SCGB2B2: variants seen among roughly 807,000 people sequenced by gnomAD.
SCGB2B2 encodes secretoglobin family 2B member 2, also known as secretoglobin-like protein.
In SCGB2B2, 11 loss-of-function variants were observed where a neutral mutation model predicts 7.6. The ratio of observed to expected loss-of-function variants is 1.45; its 90% CI spans 0.91 to 2.40. The LOEUF (loss-of-function observed/expected upper bound fraction) is 2.40. Ranked by LOEUF, SCGB2B2 falls within the 30% of genes most tolerant of loss-of-function variation. The pLI is 0.00. For missense variants in SCGB2B2, 104 were observed against 115.4 expected, an observed-to-expected ratio of 0.90 and a Z score of 0.45; for synonymous variants, 50 against 48.6, an observed-to-expected ratio of 1.03 and a Z score of -0.12.
chr19:34,647,600 A>C (rs976201528), intron 1 of SCGB2B2, among the ~76,000 whole-genome samples: 3 of 152,010 alleles, frequency 2.0e-5, no homozygotes, highest in African/African-American at 7.3e-5. Context: ...TTCACTTAAC[A>C]CACTGTCTGC....
chr19:34,650,493 T>C (rs2067135985), intron 1 of SCGB2B2, among the ~76,000 whole-genome samples: 1 of 150,930 alleles, frequency 6.6e-6, no homozygotes, highest in Non-Finnish European at 1.5e-5. Flanking sequence ...TGACAACAAA[T>C]TAGAACACCT....
chr19:34,629,564 A>C (rs1396727827), intron 1 of SCGB2B2, among the ~76,000 whole-genome samples: 1 of 152,000 alleles, frequency 6.6e-6, no homozygotes, highest in African/African-American at 2.4e-5. Flanking sequence ...CTTACAAGGG[A>C]TGTGAAGGAC....
At chr19:34,601,527 A>T (rs2065623451) in intron 1 of SCGB2B2, among the ~76,000 whole-genome samples, 1 of 152,192 alleles carries the variant, frequency 6.6e-6, no homozygotes, top group Non-Finnish European at 1.5e-5. Flanking sequence ...TTACCTATGT[A>T]TCTCTGTACC....
chr19:34,667,142 C>T (rs546298142), intron 1 of SCGB2B2, among the ~76,000 whole-genome samples: 2 of 152,218 alleles, frequency 1.3e-5, no homozygotes, highest in African/African-American at 4.8e-5. Flanking sequence ...GAGAGCCTCT[C>T]TCTCCACCCA....
intron 1 of SCGB2B2, among the ~76,000 whole-genome samples, chr19:34,652,415 A>G (rs1208468552): frequency 6.6e-6 from 1 of 151,376 alleles, no homozygotes; most frequent in Non-Finnish European, 1.5e-5. Context: ...TAAGATCCAG[A>G]ATACACAAGA....
Position 34,603,848 on chromosome 19 carries a change from G to A in SCGB2B2, c.-2031-7254C>T, listed in dbSNP as rs552622262. Among the ~76,000 whole-genome samples the A allele has an allele frequency of 3.5e-4, 50 of 143,560 alleles. 1 individual carries two copies. The highest frequency in any genetic ancestry group is 5.8e-4 in the Non-Finnish European group (39 of 66,844). 94.2% of individuals were successfully genotyped at this position (143,560 alleles called of 152,430 possible). On this transcript the variant is annotated intron_variant, in intron 1 of 3. Coordinates refer to ENST00000601241, the MANE Select transcript of SCGB2B2 (RefSeq NM_001025591.4). ...GTCTCACTATATTGCCCAGGCTGGA[G>A]TGCAGGGGCTATTCACAGGTGAGAT...
At chr19:34,631,993 G>T (rs1309114938) in intron 1 of SCGB2B2, 2 of 152,134 alleles carry the variant, frequency 1.3e-5, no homozygotes, top group Non-Finnish European at 2.9e-5. Context: ...AAAGAAAGGT[G>T]CAAAGGCAAC....
At chr19:34,673,018 T>TA (rs1233863225) in intron 1 of SCGB2B2, among the ~76,000 whole-genome samples, 6 of 152,192 alleles carry the variant, frequency 3.9e-5, no homozygotes, top group Non-Finnish European at 7.3e-5. Flanking sequence ...CCCTGAATCT[T>TA]AAACAGCTTC....
chr19:34,608,839 T>C (rs1428539731), intron 1 of SCGB2B2: 3 of 151,700 alleles, frequency 2.0e-5, no homozygotes, highest in Admixed American at 2.0e-4. Context: ...TTCTTGGATG[T>C]ATACCCAGTA....
At chr19:34,634,593 T>C (rs961648717) in intron 1 of SCGB2B2, among the ~76,000 whole-genome samples, 2 of 152,146 alleles carry the variant, frequency 1.3e-5, no homozygotes, top group African/African-American at 4.8e-5. Flanking sequence ...ACCCACTATG[T>C]GGACCAAGCA....
intron 1 of SCGB2B2, among the ~76,000 whole-genome samples, chr19:34,653,980 G>GAA (rs386388914): frequency 0.42 from 61,659 of 147,430 alleles, 13,983 homozygotes; most frequent in Middle Eastern, 0.6. Flanking sequence ...AACGAGGCAA[G>GAA]AAAAAAAAAG....
At chr19:34,600,096 A>C (rs1002935266) in intron 1 of SCGB2B2, among the ~76,000 whole-genome samples, 3 of 152,158 alleles carry the variant, frequency 2.0e-5, no homozygotes, top group Non-Finnish European at 4.4e-5. Context: ...GGTTTGTTAC[A>C]TATGTGCCAT....
chr19:34,645,994 A>G, intron 1 of SCGB2B2: 1 of 329,746 alleles, frequency 3.0e-6, no homozygotes, highest in Non-Finnish European at 6.0e-6. Context: ...CTGACAGAGG[A>G]GTCCTTCCTC....
chr19:34,593,682 C>T, intron 3 of SCGB2B2, 83 bp from the exon 4 acceptor site: 1 of 1,099,392 alleles, frequency 9.1e-7, no homozygotes, highest in Non-Finnish European at 1.3e-6. Flanking sequence ...GGTCCCCGAG[C>T]TCAGAGGAGC....
chr19:34,610,806 G>C (rs368974850), intron 1 of SCGB2B2, among the ~76,000 whole-genome samples: 1 of 149,018 alleles, frequency 6.7e-6, no homozygotes, highest in African/African-American at 2.5e-5. Context: ...TCCTTGTCTG[G>C]TTTTTCTATC....
In SCGB2B2 at chr19:34,591,330, C is replaced by T. The variant is rs1308396254; in HGVS notation, c.*2225G>A. On this transcript the variant is annotated 3_prime_UTR_variant, in exon 4 of 4. Transcript: ENST00000601241. ...ATGAGATCATTTTGATTCCCCTTCT[C>T]TCCACATCCTCTCCCCATATTCAAT... is the stretch of plus-strand genomic sequence containing the variant. Among the ~76,000 whole-genome samples, 1 of 152,224 alleles carries T rather than the reference C, an allele frequency of 6.6e-6. No individual in the cohort carries two copies. Among genetic ancestry groups the T allele is most frequent in the African/African-American group, 2.4e-5 (1 of 41,466 alleles).
chr19:34,633,752 T>C (rs569650247), intron 1 of SCGB2B2, among the ~76,000 whole-genome samples: 44 of 151,152 alleles, frequency 2.9e-4, no homozygotes, highest in Admixed American at 2.0e-3. Flanking sequence ...ATTTTAAATA[T>C]GCACAGTTTA....
chr19:34,676,817 C>T lies in SCGB2B2; in HGVS notation c.-3219G>A, dbSNP rs1419412326. 6.6e-6 allele frequency: 1 copy of T among 152,070 alleles called. No individual in the cohort carries two copies. Among genetic ancestry groups the T allele is most frequent in the Non-Finnish European group, 1.5e-5 (1 of 68,012 alleles). The allele number at this position is 152,070 out of a possible 1,614,324, so 9.4% of individuals were successfully genotyped here. On this transcript the variant is annotated 5_prime_UTR_variant, in exon 1 of 4. Transcript: ENST00000601241. ...TAAGTGTTAAAAAGAAAGTAAACAACCCAAATATACACAAACAGTAGACTG... is the reference window on the plus strand; with the variant it reads ...TAAGTGTTAAAAAGAAAGTAAACAATCCAAATATACACAAACAGTAGACTG...
At chr19:34,618,004 G>T (rs891151445) in intron 1 of SCGB2B2, among the ~76,000 whole-genome samples, 1 of 152,166 alleles carries the variant, frequency 6.6e-6, no homozygotes, top group Non-Finnish European at 1.5e-5. Context: ...TGCACGGTGC[G>T]TGCACCCACT....
Sources: gnomAD v4.1 joint callset for allele counts (sites outside exome capture counted in the v4.1 genomes callset) on GRCh38, gnomAD v4.1.1 for gene constraint, MANE v1.5 for transcripts, NCBI Gene and HGNC (gene_info 2026-07-23, HGNC 2026-07-21) for gene names.